The following AGBL1 variants were observed in gnomAD, a reference collection of about 807,000 sequenced individuals.
AGBL1 encodes the protein cytosolic carboxypeptidase 4.
Under a neutral mutation model 118.9 loss-of-function variants are expected in AGBL1, and 130 were observed. That is an observed-to-expected ratio of 1.09 (90% CI 0.95 to 1.26). AGBL1 has a LOEUF of 1.26. AGBL1 is among the 50% of genes most tolerant of loss of function. The probability of loss-of-function intolerance (pLI) is 0.00; values close to 1 mark genes in which losing one functional copy is unlikely to be tolerated. For synonymous variants in AGBL1, 555 were observed against 478.9 expected, an observed-to-expected ratio of 1.16 and a Z score of -2.08; for missense variants, 1,584 against 1,298.1, an observed-to-expected ratio of 1.22 and a Z score of -3.38.
intron 18 of AGBL1, among the ~76,000 whole-genome samples, chr15:86,411,917 A>C (rs77614168): frequency 6.6e-6 from 1 of 152,116 alleles, no homozygotes; most frequent in Non-Finnish European, 1.5e-5. Context: ...TACTCTGTTC[A>C]TACCCTGCTT....
At chr15:86,698,546 A>G (rs2086301670) in intron 22 of AGBL1, among the ~76,000 whole-genome samples, 1 of 151,788 alleles carries the variant, frequency 6.6e-6, no homozygotes, top group African/African-American at 2.4e-5. Flanking sequence ...TGGAAGTAAA[A>G]CAATATATTG....
chr15:86,694,060 C>T (rs1369554994), intron 22 of AGBL1, among the ~76,000 whole-genome samples: 1 of 151,806 alleles, frequency 6.6e-6, no homozygotes, highest in African/African-American at 2.4e-5. Flanking sequence ...TTTGCTTAGT[C>T]TTGCTTTGGC....
chr15:86,398,037 T>C (rs1016294465), intron 18 of AGBL1, among the ~76,000 whole-genome samples: 1 of 152,224 alleles, frequency 6.6e-6, no homozygotes, highest in African/African-American at 2.4e-5. Flanking sequence ...TACTTATTAA[T>C]ATTTACTACA....
At chr15:86,454,601 C>T (rs572667206) in intron 18 of AGBL1, among the ~76,000 whole-genome samples, 6 of 152,222 alleles carry the variant, frequency 3.9e-5, no homozygotes, top group East Asian at 3.9e-4. Flanking sequence ...TGCTACAACA[C>T]GGATGAACCT....
intron 22 of AGBL1, among the ~76,000 whole-genome samples, chr15:86,724,723 G>A (rs1266666342): frequency 6.6e-6 from 1 of 152,110 alleles, no homozygotes; most frequent in African/African-American, 2.4e-5. Flanking sequence ...TCATGGGAGT[G>A]GATCCCTCAT....
rs1042952126 is a variant in AGBL1, at chr15:86,132,144, C to T, written c.52-9860C>T. Among the ~76,000 whole-genome samples the T allele has an allele frequency of 9.2e-5, 14 of 152,162 alleles. No individual in the cohort carries two copies. In the South Asian group the frequency reaches 1.0e-3, roughly 11 times the overall value. On this transcript the variant is annotated intron_variant, in intron 1 of 22. Transcript: ENST00000614907. ...CACAAGACAACAGGAGTCCCTGAAA[C>T]GAGAGGCGCAAAGACAGCAGGGTCG...
At position 86,930,610 on chromosome 15, in the gene AGBL1, G is replaced by A. The variant is rs181041787; in HGVS notation, c.3222-57377G>A. Among the ~76,000 whole-genome samples the A allele has an allele frequency of 3.3e-3, 504 of 152,158 alleles. 9 individuals are homozygous for A. The East Asian group carries it at 0.033, about 10-fold the overall frequency. Reference sequence around the variant, plus strand: ...AAACAATTATTTTCAGCATATGAGCGAAAGAAAATACATTTATCTGCCATG... The same window carrying A: ...AAACAATTATTTTCAGCATATGAGCAAAAGAAAATACATTTATCTGCCATG... On this transcript the variant is annotated intron_variant, in intron 23 of 24. Coordinates refer to the AGBL1 transcript ENST00000441037.
At chr15:87,030,250 T>C (rs1039926520), downstream of AGBL1, among the ~76,000 whole-genome samples, 5 of 152,002 alleles carry the variant, frequency 3.3e-5, no homozygotes, top group East Asian at 7.7e-4. Flanking sequence ...GTATACAAGG[T>C]TAAGAGAAGA....
chr15:86,548,250 T>A (rs1429214958), intron 20 of AGBL1, among the ~76,000 whole-genome samples: 2 of 152,164 alleles, frequency 1.3e-5, no homozygotes, highest in African/African-American at 4.8e-5. Context: ...ATTCTAAACA[T>A]GTTAAACTTA....
chr15:86,653,340 G>A (rs900773991), intron 21 of AGBL1, among the ~76,000 whole-genome samples: 9 of 152,090 alleles, frequency 5.9e-5, no homozygotes, highest in East Asian at 1.9e-4. Context: ...CCTGCCACCC[G>A]GAGTACAAGA....
intron 17 of AGBL1, among the ~76,000 whole-genome samples, chr15:86,305,365 G>A (rs541003537): frequency 9.9e-5 from 15 of 152,252 alleles, no homozygotes; most frequent in African/African-American, 3.6e-4. Context: ...TTCCATCTGA[G>A]GAAGGAGAAA....
At chr15:86,753,248 T>C (rs2077881808) in intron 22 of AGBL1, among the ~76,000 whole-genome samples, 1 of 152,058 alleles carries the variant, frequency 6.6e-6, no homozygotes, top group Non-Finnish European at 1.5e-5. Context: ...TCTCCATTCT[T>C]GCTGTGTTAG....
rs898129333 is a variant in AGBL1 at position 86,981,513 on chromosome 15, T to C, written c.3222-6474T>C. Among the ~76,000 whole-genome samples, 3 of 152,236 alleles carry C rather than the reference T, an allele frequency of 2.0e-5. No homozygotes were observed. The East Asian group carries it at 5.8e-4, about 29-fold the overall frequency. Reference sequence around the variant, plus strand: ...CACTATTATATGAGTATTTTGTTCATGATCTTTGTCCATGTATCTCCTTGG... The same window carrying C: ...CACTATTATATGAGTATTTTGTTCACGATCTTTGTCCATGTATCTCCTTGG... On this transcript the variant is annotated intron_variant, in intron 23 of 24. Coordinates refer to the AGBL1 transcript ENST00000441037.
At chr15:86,685,548 G>C (rs2086039143) in intron 22 of AGBL1, among the ~76,000 whole-genome samples, 1 of 152,126 alleles carries the variant, frequency 6.6e-6, no homozygotes, top group Non-Finnish European at 1.5e-5. Flanking sequence ...AATAAAATAA[G>C]TAGAAGGAAG....
At chr15:86,453,046 C>T (rs567199344) in intron 18 of AGBL1, among the ~76,000 whole-genome samples, 25 of 152,270 alleles carry the variant, frequency 1.6e-4, no homozygotes, top group Admixed American at 6.5e-4. Flanking sequence ...TTATGTTACA[C>T]GATATATGTT....
chr15:86,365,016 C>CAT (rs1225936471), intron 17 of AGBL1, among the ~76,000 whole-genome samples: 49 of 121,962 alleles, frequency 4.0e-4, no homozygotes, highest in African/African-American at 8.8e-4. Flanking sequence ...TATACACACA[C>CAT]ATATATATAT....
rs79588919 is a variant in AGBL1, at chr15:86,239,461, C to G, written c.527-8210C>G. 9.6e-3 allele frequency among the ~76,000 whole-genome samples: 1,459 copies of G among 152,258 alleles called. 31 individuals carry two copies. The highest frequency in any genetic ancestry group is 0.033 in the African/African-American group (1,391 of 41,538). ...ATGCTTTTGGCTGTTCTCCTTTGCACCAGCCACTCCTGCAGCTGCAGGGCA... is the reference window on the plus strand; with the variant it reads ...ATGCTTTTGGCTGTTCTCCTTTGCAGCAGCCACTCCTGCAGCTGCAGGGCA... On this transcript the variant is annotated intron_variant, in intron 6 of 22. Coordinates refer to ENST00000614907, the MANE Select transcript of AGBL1 (RefSeq NM_001386094.1).
chr15:86,198,721 C>G (rs1185245279), intron 5 of AGBL1, among the ~76,000 whole-genome samples: 1 of 151,704 alleles, frequency 6.6e-6, no homozygotes, highest in African/African-American at 2.4e-5. Flanking sequence ...GAGGGAGGGC[C>G]ATGTAAGAAT....
chr15:86,362,810 C>T (rs1032242349), intron 17 of AGBL1, among the ~76,000 whole-genome samples: 3 of 152,166 alleles, frequency 2.0e-5, no homozygotes, highest in African/African-American at 7.2e-5. Context: ...TGGATTGCTA[C>T]CAAGAGTTGA....
Sources: allele counts gnomAD v4.1 joint callset (sites outside exome capture counted in the v4.1 genomes callset), GRCh38; gene constraint gnomAD v4.1.1; transcripts MANE v1.5; gene names NCBI Gene and HGNC (gene_info 2026-07-23, HGNC 2026-07-21).